Variants in EXOC2 observed in about 807,000 individuals in gnomAD.
EXOC2 encodes exocyst complex component 2, also known as SEC5-like 1.
In EXOC2, 70 loss-of-function variants were observed where a neutral mutation model predicts 131.8. That is an observed-to-expected ratio of 0.53 (90% CI 0.44 to 0.65). The LOEUF is 0.65. EXOC2 is among the 30% of genes least tolerant of loss of function. The pLI, the probability that EXOC2 is intolerant of heterozygous loss-of-function variation, is 0.00. For missense variants in EXOC2, 923 were observed against 1,108.6 expected, an observed-to-expected ratio of 0.83 and a Z score of 2.38; for synonymous variants, 411 against 398.4, an observed-to-expected ratio of 1.03 and a Z score of -0.38.
intron 17 of EXOC2, among the ~76,000 whole-genome samples, chr6:559,393 T>G (rs1581437121): frequency 6.6e-6 from 1 of 152,254 alleles, no homozygotes; most frequent in East Asian, 1.9e-4. Flanking sequence ...TTGATTCACG[T>G]TTTCTCTTAA....
At chr6:615,580 C>T (rs944209707) in intron 6 of EXOC2, among the ~76,000 whole-genome samples, 7 of 151,878 alleles carry the variant, frequency 4.6e-5, no homozygotes, top group South Asian at 2.1e-4. Flanking sequence ...ATTAGCTGGG[C>T]GTGGTGGTGG....
chr6:612,094 A>G (rs905638881), intron 6 of EXOC2, among the ~76,000 whole-genome samples: 1 of 152,216 alleles, frequency 6.6e-6, no homozygotes. Context: ...GCACAGAAGT[A>G]TGTATATGCT....
chr6:672,558 C>A lies in EXOC2; in HGVS notation c.-44+20461G>T, dbSNP rs183191730. On this transcript the variant is annotated intron_variant, in intron 1 of 27. Coordinates refer to ENST00000230449, the MANE Select transcript of EXOC2 (RefSeq NM_018303.6). ...CTGGTTTCCCACAGAAACTTCCATT[C>A]CTAGGCTTCTGCACTAAGAAGTTGG... 1.8e-3 allele frequency among the ~76,000 whole-genome samples: 271 copies of A among 152,346 alleles called. 3 individuals carry two copies. The highest frequency in any genetic ancestry group is 0.015 in the Admixed American group (223 of 15,296).
intron 1 of EXOC2, among the ~76,000 whole-genome samples, chr6:686,226 T>G (rs1180968383): frequency 6.6e-6 from 1 of 151,768 alleles, no homozygotes; most frequent in Non-Finnish European, 1.5e-5. Context: ...CCTCCCAAAG[T>G]GCTGGGATTA....
intron 11 of EXOC2, 92 bp from the exon 12 acceptor site, chr6:576,974 T>C: frequency 8.8e-7 from 1 of 1,130,624 alleles, no homozygotes; most frequent in Non-Finnish European, 1.3e-6. Context: ...TGAGGCTATT[T>C]CTTGCTCAAT....
At chr6:665,305 T>C (rs145282074) in intron 1 of EXOC2, among the ~76,000 whole-genome samples, 10 of 143,158 alleles carry the variant, frequency 7.0e-5, no homozygotes, top group Non-Finnish European at 1.2e-4. Context: ...GTAGATGCGG[T>C]GAACAGGGAA....
chr6:616,837 C>T (rs1361060458), intron 6 of EXOC2, among the ~76,000 whole-genome samples: 5 of 151,448 alleles, frequency 3.3e-5, no homozygotes, highest in African/African-American at 4.8e-5. Context: ...CCGCCTCCCA[C>T]GCTCAAGCAA....
chr6:548,809 T>C (rs1213266876), intron 22 of EXOC2, among the ~76,000 whole-genome samples: 1 of 152,162 alleles, frequency 6.6e-6, no homozygotes, highest in African/African-American at 2.4e-5. Flanking sequence ...GCTGGCTGTA[T>C]CTAAAGCGTT....
intron 23 of EXOC2, among the ~76,000 whole-genome samples, chr6:526,432 A>ATTTTTTTTTTTTTTTTTTT (rs70985804): frequency 1.3e-5 from 1 of 76,016 alleles, no homozygotes; most frequent in Non-Finnish European, 2.4e-5. Flanking sequence ...TTCTTTGTGG[A>ATTTTTTTTTTTTTTTTTTT]TTTTTTTTTT....
intron 11 of EXOC2, among the ~76,000 whole-genome samples, chr6:577,376 G>T (rs1404113211): frequency 1.3e-5 from 2 of 151,850 alleles, no homozygotes; most frequent in African/African-American, 4.8e-5. Context: ...CACTTCATAT[G>T]CCAGAAGCCA....
chr6:561,565 T>C (rs1304467681), intron 17 of EXOC2, among the ~76,000 whole-genome samples: 3 of 152,192 alleles, frequency 2.0e-5, no homozygotes, highest in African/African-American at 7.2e-5. Context: ...AGGCAGAAAC[T>C]GCTAGTTGCC....
chr6:562,590 C>T (rs1034527612), intron 17 of EXOC2, among the ~76,000 whole-genome samples, 194 bp downstream of exon 17: 3 of 152,180 alleles, frequency 2.0e-5, no homozygotes, highest in East Asian at 1.9e-4. Flanking sequence ...CTAAAAGAAA[C>T]GCATTGTTCT....
chr6:679,865 G>T (rs1206895439), intron 1 of EXOC2, among the ~76,000 whole-genome samples: 1 of 152,158 alleles, frequency 6.6e-6, no homozygotes, highest in Non-Finnish European at 1.5e-5. Context: ...CAGATGTACA[G>T]AAAAAGTTCC....
chr6:595,763 A>C (rs2179513), intron 10 of EXOC2, among the ~76,000 whole-genome samples: 1 of 151,854 alleles, frequency 6.6e-6, no homozygotes, highest in Non-Finnish European at 1.5e-5. Context: ...GCAGGGCAGG[A>C]AACAGCAGCC....
At chr6:595,288 T>C (rs1218359524) in intron 10 of EXOC2, among the ~76,000 whole-genome samples, 3 of 152,104 alleles carry the variant, frequency 2.0e-5, no homozygotes, top group Non-Finnish European at 4.4e-5. Flanking sequence ...TTTTTGTTCA[T>C]GATAAAGCTA....
chr6:617,822 T>C lies in EXOC2; in HGVS notation c.550A>G (p.Lys184Glu). 1 of 1,613,584 alleles carries C rather than the reference T, an allele frequency of 6.2e-7. No individual in the cohort carries two copies. Residue 184 changes from lysine to glutamate, a missense_variant, in exon 6 of 28, where the codon AAA (lysine) becomes GAA (glutamate). Physicochemically the swap from Lys to Glu is moderately conservative, Grantham distance 56. Coordinates refer to ENST00000230449, the MANE Select transcript of EXOC2 (RefSeq NM_018303.6). ...CTCTTTAGGTTGGTGACTGCCATTT[T>C]GAGCTGCTCAAAACTGAAATGAAAT... ...NHSNTSFEQL[K>E]MAVTNLKRQA...
At chr6:671,351 C>CAAA (rs112606289) in intron 1 of EXOC2, among the ~76,000 whole-genome samples, 11 of 147,322 alleles carry the variant, frequency 7.5e-5, no homozygotes, top group South Asian at 2.1e-4. Flanking sequence ...ACAACAACAA[C>CAAA]AACAAAAAAA....
intron 17 of EXOC2, among the ~76,000 whole-genome samples, chr6:558,561 C>T (rs991194203): frequency 5.3e-5 from 8 of 152,148 alleles, no homozygotes; most frequent in East Asian, 1.9e-4. Context: ...CTCGTAATCC[C>T]GGCACTTTGG....
intron 1 of EXOC2, chr6:656,988 G>A (rs772122820): frequency 1.8e-5 from 26 of 1,457,582 alleles, no homozygotes; most frequent in Non-Finnish European, 2.3e-5. Context: ...GGGGGATTCC[G>A]CGTGCCACAA....
Sources: allele counts gnomAD v4.1 joint callset (sites outside exome capture counted in the v4.1 genomes callset), GRCh38; gene constraint gnomAD v4.1.1; transcripts MANE v1.5; gene names NCBI Gene and HGNC (gene_info 2026-07-23, HGNC 2026-07-21).